CHN1: variants seen among roughly 807,000 people sequenced by gnomAD.
The protein encoded by CHN1 is N-chimaerin.
A neutral mutation model predicts 59.5 loss-of-function variants in CHN1; 37 were observed. The ratio of observed to expected loss-of-function variants is 0.62; its 90% CI spans 0.48 to 0.82. The LOEUF (loss-of-function observed/expected upper bound fraction) is 0.82, where lower values mean the gene tolerates loss of function less well. CHN1 is among the 40% of genes least tolerant of loss of function. The pLI is 0.00. For missense variants in CHN1, 469 were observed against 571.0 expected (o/e 0.82, Z 1.82); for synonymous variants, 206 against 200.4 (o/e 1.03, Z -0.24).
intron 5 of CHN1, among the ~76,000 whole-genome samples, chr2:174,902,896 G>A (rs1475526669): frequency 6.6e-6 from 1 of 152,174 alleles, no homozygotes; most frequent in Non-Finnish European, 1.5e-5. Context: ...CACTTTATAA[G>A]TCAACCTAAT....
intron 8 of CHN1, 63 bp from the exon 9 acceptor site, chr2:174,812,545 G>C (rs550479147): frequency 1.3e-6 from 2 of 1,554,370 alleles, no homozygotes; most frequent in Non-Finnish European, 1.8e-6. Flanking sequence ...GCATTCTGGA[G>C]TGTTAATTTT....
At chr2:174,848,062 A>C (rs1686596186) in intron 6 of CHN1, among the ~76,000 whole-genome samples, 1 of 152,210 alleles carries the variant, frequency 6.6e-6, no homozygotes, top group South Asian at 2.1e-4. Context: ...AAGAAGTTTA[A>C]CTAGGTATCA....
intron 1 of CHN1, among the ~76,000 whole-genome samples, chr2:174,957,330 C>T (rs951396650): frequency 4.0e-5 from 6 of 151,312 alleles, no homozygotes; most frequent in East Asian, 3.9e-4. Context: ...TGAAACAAGG[C>T]GGAGAACTGC....
At chr2:174,868,995 C>G (rs1687315938) in intron 6 of CHN1, among the ~76,000 whole-genome samples, 1 of 152,160 alleles carries the variant, frequency 6.6e-6, no homozygotes, top group Non-Finnish European at 1.5e-5. Context: ...ACTTTCCCAT[C>G]AACTGTGATC....
intron 1 of CHN1, among the ~76,000 whole-genome samples, chr2:174,987,978 A>G (rs1691404026): frequency 6.6e-6 from 1 of 152,172 alleles, no homozygotes; most frequent in African/African-American, 2.4e-5. Flanking sequence ...AAGACCAAAA[A>G]AAACCCTCCA....
At chr2:174,906,142 G>GT (rs1688537096) in intron 5 of CHN1, among the ~76,000 whole-genome samples, 1 of 149,628 alleles carries the variant, frequency 6.7e-6, no homozygotes, top group African/African-American at 2.6e-5. Context: ...AAAAACATAT[G>GT]TTTATACAAA....
At chr2:174,868,329 C>T (rs1019355607) in intron 6 of CHN1, among the ~76,000 whole-genome samples, 2 of 152,096 alleles carry the variant, frequency 1.3e-5, no homozygotes, top group Non-Finnish European at 1.5e-5. Flanking sequence ...TGGTACCCTC[C>T]TCTCTGCAAT....
In CHN1 at chr2:174,819,939, T is replaced by C. The variant is rs575282968; in HGVS notation, c.712+4495A>G. 3.7e-3 allele frequency among the ~76,000 whole-genome samples: 563 copies of C among 151,314 alleles called. 4 individuals are homozygous for C. Among genetic ancestry groups the C allele is most frequent in the African/African-American group, 0.013 (528 of 41,126 alleles). ...GTTTGGTTTTTTGTCCTTGCGATAGTTTACTGAGAATGATGATTTCCAATT... is the reference window on the plus strand; with the variant it reads ...GTTTGGTTTTTTGTCCTTGCGATAGCTTACTGAGAATGATGATTTCCAATT... On this transcript the variant is annotated intron_variant, in intron 8 of 12. Coordinates refer to ENST00000409900, the MANE Select transcript of CHN1 (RefSeq NM_001822.7).
At chr2:174,847,255 A>G (rs1686551402) in intron 6 of CHN1, 1 of 1,398,696 alleles carries the variant, frequency 7.1e-7, no homozygotes, top group Non-Finnish European at 9.3e-7. Context: ...CTGCAGAGAA[A>G]CACCACGGAG....
intron 3 of CHN1, among the ~76,000 whole-genome samples, chr2:174,928,176 A>C (rs1239213887): frequency 6.6e-6 from 1 of 152,190 alleles, no homozygotes; most frequent in Non-Finnish European, 1.5e-5. Flanking sequence ...TAAAGTAAGG[A>C]AGGAGGAAGG....
chr2:174,801,822 CA>C lies in CHN1; in HGVS notation c.1103-11del. The C allele has an allele frequency of 6.3e-7, 1 of 1,584,788 alleles. No homozygotes were observed. Among genetic ancestry groups the C allele is most frequent in the South Asian group, 1.1e-5 (1 of 90,490 alleles). On this transcript the variant is annotated splice_polypyrimidine_tract_variant and intron_variant, in intron 11 of 12. Transcript: ENST00000409900. The stretch of plus-strand genomic sequence containing the variant: ...TCCGGATCCATAATTTCTAAAATAG[CA>C]AGTCGAATACCAAGAAGAAAAGAAA...
chr2:174,927,441 T>C (rs1301290277), intron 3 of CHN1, among the ~76,000 whole-genome samples: 1 of 152,242 alleles, frequency 6.6e-6, no homozygotes, highest in Non-Finnish European at 1.5e-5. Flanking sequence ...TATCTTATTT[T>C]CAACAAAGAC....
chr2:174,845,060 T>C (rs1686459813), intron 7 of CHN1, among the ~76,000 whole-genome samples: 1 of 152,204 alleles, frequency 6.6e-6, no homozygotes, highest in South Asian at 2.1e-4. Flanking sequence ...GTGTAGAATT[T>C]ATTCATTAAA....
In CHN1 at chr2:174,939,759, C is replaced by T. The variant is rs568376235; in HGVS notation, c.114+5129G>A. The stretch of plus-strand genomic sequence containing the variant: ...ATTATTTAATCATCCTTGATCACAG[C>T]GAGCAGCAATGAAAGGCAATAATCA... On this transcript the variant is annotated intron_variant, in intron 3 of 12. Coordinates refer to ENST00000409900, the MANE Select transcript of CHN1 (RefSeq NM_001822.7). 5.3e-5 allele frequency among the ~76,000 whole-genome samples: 8 copies of T among 152,158 alleles called. No individual in the cohort carries two copies. The South Asian group carries it at 1.5e-3, about 28-fold the overall frequency.
chr2:174,877,083 A>C (rs1257523808), intron 6 of CHN1, among the ~76,000 whole-genome samples: 1 of 152,124 alleles, frequency 6.6e-6, no homozygotes, highest in Non-Finnish European at 1.5e-5. Flanking sequence ...ACACACTATA[A>C]AACATCAGGA....
In CHN1 at chr2:174,936,602, T is replaced by C. The variant is rs539994640; in HGVS notation, c.114+8286A>G. Among the ~76,000 whole-genome samples, 5 of 152,226 alleles carry C rather than the reference T, an allele frequency of 3.3e-5. No individual in the cohort carries two copies. In the East Asian group the frequency reaches 5.8e-4, roughly 18 times the overall value. On this transcript the variant is annotated intron_variant, in intron 3 of 12. Transcript: ENST00000409900. Reference sequence around the variant, plus strand: ...ACCATTTTTACACAATAGAAAATAATAGTATATATTTTACATTTTTTATAT... The same window carrying C: ...ACCATTTTTACACAATAGAAAATAACAGTATATATTTTACATTTTTTATAT...
intron 5 of CHN1, among the ~76,000 whole-genome samples, chr2:174,910,818 T>G (rs1688676011): frequency 7.0e-6 from 1 of 142,316 alleles, no homozygotes; most frequent in South Asian, 2.1e-4. Context: ...GAGAATGGTG[T>G]GAACCCAGGA....
chr2:174,965,668 A>G (rs2105431660), intron 1 of CHN1, among the ~76,000 whole-genome samples: 1 of 152,210 alleles, frequency 6.6e-6, no homozygotes, highest in East Asian at 1.9e-4. Flanking sequence ...ATTAGCAAGA[A>G]AAAAGACCAT....
chr2:174,817,933 G>A (rs556037883), intron 8 of CHN1, among the ~76,000 whole-genome samples: 7 of 152,012 alleles, frequency 4.6e-5, no homozygotes, highest in East Asian at 3.9e-4. Context: ...CATCGCGCCC[G>A]GCCAATTTTT....
Sources: allele counts gnomAD v4.1 joint callset (sites outside exome capture counted in the v4.1 genomes callset), GRCh38; gene constraint gnomAD v4.1.1; transcripts MANE v1.5; gene names NCBI Gene and HGNC (gene_info 2026-07-23, HGNC 2026-07-21).